Variants in AGTPBP1 observed in about 807,000 individuals in gnomAD.
AGTPBP1 encodes cytosolic carboxypeptidase 1.
A neutral mutation model predicts 143.9 loss-of-function variants in AGTPBP1; 70 were observed. The observed-to-expected ratio is 0.49, with a 90% CI of 0.40 to 0.59. The LOEUF (loss-of-function observed/expected upper bound fraction) is 0.59. Ranked by LOEUF, AGTPBP1 falls within the 20% of genes least tolerant of loss-of-function variation. AGTPBP1 has a pLI of 0.00. For missense variants in AGTPBP1, 1,229 were observed against 1,464.5 expected, an observed-to-expected ratio of 0.84 and a Z score of 2.62; for synonymous variants, 463 against 500.2, an observed-to-expected ratio of 0.93 and a Z score of 0.99.
At chr9:85,691,286 G>A (rs1835857617) in intron 3 of AGTPBP1, among the ~76,000 whole-genome samples, 1 of 152,052 alleles carries the variant, frequency 6.6e-6, no homozygotes, top group African/African-American at 2.4e-5. Flanking sequence ...TGGGCTACAT[G>A]GGAGGAAGTT....
the AGTPBP1 span, chr9:85,781,357 T>C: frequency 1.1e-3 from 1,735 of 1,555,308 alleles, 2 homozygotes; most frequent in Non-Finnish European, 1.3e-3. Flanking sequence ...GCAACTAGCA[T>C]CATCAGAGTG....
At chr9:85,734,227 T>A (rs1313837536) in intron 1 of AGTPBP1, among the ~76,000 whole-genome samples, 1 of 151,980 alleles carries the variant, frequency 6.6e-6, no homozygotes, top group Non-Finnish European at 1.5e-5. Flanking sequence ...CACTCCAGCC[T>A]GGCGACAAAG....
intron 24 of AGTPBP1, 111 bp from the exon 25 acceptor site, chr9:85,575,586 G>T: frequency 1.1e-6 from 1 of 887,726 alleles, no homozygotes; most frequent in Non-Finnish European, 1.6e-6. Context: ...AAATTAAAAG[G>T]CTGGTACTTT....
the AGTPBP1 span, among the ~76,000 whole-genome samples, chr9:85,779,975 T>TA: frequency 6.6e-6 from 1 of 152,258 alleles, no homozygotes; most frequent in Non-Finnish European, 1.5e-5. Flanking sequence ...AGTTGATTTA[T>TA]ATGACATACT....
At chr9:85,615,681 G>T (rs942519978) in intron 17 of AGTPBP1, among the ~76,000 whole-genome samples, 1 of 151,530 alleles carries the variant, frequency 6.6e-6, no homozygotes, top group African/African-American at 2.4e-5. Flanking sequence ...TTAAACAATG[G>T]TTTTTTTTGG....
At position 85,592,595 on chromosome 9, in the gene AGTPBP1, C is replaced by T; in HGVS notation, c.2533G>A (p.Ala845Thr). 2 of 1,611,088 alleles carry T rather than the reference C, an allele frequency of 1.2e-6. No homozygotes were observed. The highest frequency in any genetic ancestry group is 1.7e-6 in the Non-Finnish European group (2 of 1,178,806). Residue 845 changes from alanine (A) to threonine (T), a missense_variant, in exon 19 of 26, where the codon GCT (alanine) becomes ACT (threonine). Ala to Thr is a moderately conservative substitution (Grantham distance 58, BLOSUM62 0). Around this residue, in one of 2 missense-constraint regions of AGTPBP1, gnomAD observed 486 missense variants for 652.3 expected, o/e 0.75. Coordinates refer to ENST00000357081, the MANE Select transcript of AGTPBP1 (RefSeq NM_001330701.2). ...GAATACGTATATGGATAGTGATAAGCAAAGTAGCAAACATCATCTTTATGT... is the reference window on the plus strand; with the variant it reads ...GAATACGTATATGGATAGTGATAAGTAAAGTAGCAAACATCATCTTTATGT... Reference protein sequence around the residue: ...FPHKDDVCYFAYHYPYTYSTL... With the variant: ...FPHKDDVCYFTYHYPYTYSTL...
chr9:85,669,900 G>A (rs1044336601), intron 7 of AGTPBP1, among the ~76,000 whole-genome samples: 5 of 151,698 alleles, frequency 3.3e-5, no homozygotes, highest in East Asian at 3.9e-4. Context: ...TGGGGATTCC[G>A]AAACAAGAAT....
chr9:85,556,737 T>C (rs1187045605), intron 25 of AGTPBP1, among the ~76,000 whole-genome samples: 2 of 152,140 alleles, frequency 1.3e-5, no homozygotes, highest in African/African-American at 4.8e-5. Flanking sequence ...CATTTTATGA[T>C]AAAGAGATCA....
chr9:85,791,272 G>A, the AGTPBP1 span, among the ~76,000 whole-genome samples: 1 of 151,956 alleles, frequency 6.6e-6, no homozygotes, highest in East Asian at 1.9e-4. Flanking sequence ...TACTCGGGAG[G>A]CTGAGGCAGG....
At chr9:85,803,873 C>T in the AGTPBP1 span, among the ~76,000 whole-genome samples, 2 of 152,182 alleles carry the variant, frequency 1.3e-5, no homozygotes, top group Non-Finnish European at 2.9e-5. Flanking sequence ...TCTCTTTTCT[C>T]TCTTGCAATT....
chr9:85,654,445 G>GT (rs899263845), intron 11 of AGTPBP1, among the ~76,000 whole-genome samples: 13 of 149,866 alleles, frequency 8.7e-5, no homozygotes, highest in Middle Eastern at 3.4e-3. Flanking sequence ...TGATTAGGTT[G>GT]TTTTTTTTTA....
At chr9:85,786,613 A>G in the AGTPBP1 span, 5 of 1,554,764 alleles carry the variant, frequency 3.2e-6, no homozygotes, top group Admixed American at 8.5e-5. Context: ...GTAGATATGT[A>G]AAAAGATTCC....
chr9:85,598,579 T>C (rs1011392216), intron 17 of AGTPBP1, among the ~76,000 whole-genome samples: 1 of 152,226 alleles, frequency 6.6e-6, no homozygotes, highest in Non-Finnish European at 1.5e-5. Flanking sequence ...CCTGCTTATG[T>C]AAGTGCCATG....
At position 85,606,399 on chromosome 9, in the gene AGTPBP1, A is replaced by C. The variant is rs141552800; in HGVS notation, c.2336-9950T>G. On this transcript the variant is annotated intron_variant, in intron 17 of 25. Transcript: ENST00000357081. The stretch of plus-strand genomic sequence containing the variant: ...TGGCAATTATTAAAAAGAGAAAAAA[A>C]AAAAAAGATGTTAGTGAGGATGTGG... Among the ~76,000 whole-genome samples, 1,001 of 152,018 alleles carry C rather than the reference A, an allele frequency of 6.6e-3. 10 individuals are homozygous for C. Among genetic ancestry groups the C allele is most frequent in the African/African-American group, 0.023 (936 of 41,550 alleles).
intron 25 of AGTPBP1, among the ~76,000 whole-genome samples, chr9:85,561,401 AAGAC>A (rs1320024860): frequency 4.0e-5 from 6 of 151,888 alleles, no homozygotes; most frequent in East Asian, 1.9e-4. Flanking sequence ...AAAAAAAAAA[AAGAC>A]AGACCATTTT....
intron 18 of AGTPBP1, among the ~76,000 whole-genome samples, chr9:85,595,583 G>A (rs753233047): frequency 1.3e-5 from 2 of 152,194 alleles, no homozygotes; most frequent in African/African-American, 4.8e-5. Flanking sequence ...CTGGAGTGCA[G>A]TGGTGCGATC....
At chr9:85,660,909 T>C (rs1199108874) in intron 9 of AGTPBP1, 27 bp downstream of exon 9, 4 of 1,485,700 alleles carry the variant, frequency 2.7e-6, no homozygotes, top group Non-Finnish European at 2.7e-6. Context: ...AAATAGTATC[T>C]AGTATTTCTA....
At chr9:85,734,609 TAGTA>T (rs1839114796) in intron 1 of AGTPBP1, among the ~76,000 whole-genome samples, 1 of 152,090 alleles carries the variant, frequency 6.6e-6, no homozygotes, top group East Asian at 1.9e-4. Context: ...AAACACAAAA[TAGTA>T]AGTGTTGATG....
intron 3 of AGTPBP1, among the ~76,000 whole-genome samples, chr9:85,685,595 T>A (rs1383839866): frequency 6.6e-6 from 1 of 151,710 alleles, no homozygotes; most frequent in Non-Finnish European, 1.5e-5. Context: ...GAAAAAAAAA[T>A]CTTCCACAGC....
Sources: gnomAD v4.1 joint callset for allele counts (sites outside exome capture counted in the v4.1 genomes callset) on GRCh38, gnomAD v4.1.1 for gene constraint, gnomAD v4.1.1 regional missense constraint, MANE v1.5 for transcripts, NCBI Gene and HGNC (gene_info 2026-07-23, HGNC 2026-07-21) for gene names.